TENM2: variants seen among roughly 807,000 people sequenced by gnomAD.
TENM2 encodes teneurin transmembrane protein 2, also known as teneurin-2.
Under a neutral mutation model 245.2 loss-of-function variants are expected in TENM2, and 52 were observed. The ratio of observed to expected loss-of-function variants is 0.21; its 90% CI spans 0.17 to 0.27. The LOEUF (loss-of-function observed/expected upper bound fraction) is 0.27. Ranked by LOEUF, TENM2 falls within the 10% of genes least tolerant of loss-of-function variation. The pLI is 1.00. For synonymous variants in TENM2, 1,363 were observed against 1,438.9 expected (o/e 0.95, Z 1.19); for missense variants, 3,046 against 3,666.8 (o/e 0.83, Z 4.37).
intron 2 of TENM2, among the ~76,000 whole-genome samples, chr5:167,840,867 A>T (rs972489626): frequency 2.0e-5 from 3 of 152,106 alleles, no homozygotes; most frequent in African/African-American, 7.2e-5. Context: ...CTGCCTAGGG[A>T]ACTGTGCAGC....
chr5:167,166,890 G>A, the TENM2 span, among the ~76,000 whole-genome samples: 1 of 152,088 alleles, frequency 6.6e-6, no homozygotes, highest in Non-Finnish European at 1.5e-5. Context: ...ACCTACCTTG[G>A]GTGGTCCTCA....
chr5:168,079,407 T>C (rs930223594), intron 7 of TENM2, among the ~76,000 whole-genome samples: 6 of 152,196 alleles, frequency 3.9e-5, no homozygotes, highest in African/African-American at 9.7e-5. Flanking sequence ...CTTTTCCTAA[T>C]TGAATGCCCT....
At chr5:167,106,335 C>T in the TENM2 span, among the ~76,000 whole-genome samples, 1 of 152,130 alleles carries the variant, frequency 6.6e-6, no homozygotes, top group Non-Finnish European at 1.5e-5. Context: ...ATGTGAGGGA[C>T]TGTCTAGGGG....
At chr5:168,153,678 G>A (rs897267170) in intron 12 of TENM2, among the ~76,000 whole-genome samples, 9 of 152,354 alleles carry the variant, frequency 5.9e-5, no homozygotes, top group South Asian at 4.1e-4. Context: ...TAATCCGAAA[G>A]CAGAGGCTTT....
intron 27 of TENM2, among the ~76,000 whole-genome samples, chr5:168,251,210 T>C (rs945013451): frequency 1.3e-4 from 20 of 152,304 alleles, no homozygotes; most frequent in Non-Finnish European, 2.5e-4. Flanking sequence ...TGAACAGACA[T>C]GTCCCGCTGC....
chr5:167,346,886 A>C (rs989983165), intron 1 of TENM2, among the ~76,000 whole-genome samples: 4 of 151,450 alleles, frequency 2.6e-5, no homozygotes, highest in Non-Finnish European at 2.9e-5. Context: ...CAATCCTTCC[A>C]CTTCAAGCCC....
intron 2 of TENM2, among the ~76,000 whole-genome samples, chr5:167,456,273 G>A (rs1278640615): frequency 1.3e-5 from 2 of 152,172 alleles, no homozygotes; most frequent in Non-Finnish European, 2.9e-5. Context: ...TGGGGAGGAA[G>A]AGGAGAACTT....
intron 1 of TENM2, among the ~76,000 whole-genome samples, chr5:167,359,319 C>A (rs1202529607): frequency 6.6e-6 from 1 of 152,164 alleles, no homozygotes; most frequent in African/African-American, 2.4e-5. Flanking sequence ...GTCCCCCTTG[C>A]TCTTCCTAGA....
At chr5:168,059,401 G>T (rs1789839258) in intron 6 of TENM2, among the ~76,000 whole-genome samples, 1 of 152,156 alleles carries the variant, frequency 6.6e-6, no homozygotes, top group Non-Finnish European at 1.5e-5. Context: ...ATGCCGGAAA[G>T]CCCAACAGAC....
intron 2 of TENM2, among the ~76,000 whole-genome samples, chr5:167,418,377 A>G (rs577300341): frequency 1.3e-5 from 2 of 152,228 alleles, no homozygotes; most frequent in Admixed American, 1.3e-4. Context: ...CCATTCTTCA[A>G]TACAATACTT....
At chr5:167,500,675 T>G (rs1769155177) in intron 2 of TENM2, among the ~76,000 whole-genome samples, 1 of 152,232 alleles carries the variant, frequency 6.6e-6, no homozygotes, top group Non-Finnish European at 1.5e-5. Flanking sequence ...TGTGATGGAA[T>G]GAGCTTGCTT....
the TENM2 span, among the ~76,000 whole-genome samples, chr5:167,242,742 G>A: frequency 6.6e-6 from 1 of 152,040 alleles, no homozygotes; most frequent in South Asian, 2.1e-4. Context: ...GTCTTCATTA[G>A]CTACGTTACT....
chr5:167,810,973 G>T (rs895038745), intron 2 of TENM2, among the ~76,000 whole-genome samples: 2 of 152,074 alleles, frequency 1.3e-5, no homozygotes, highest in African/African-American at 4.8e-5. Context: ...TATCACCCTG[G>T]TACATAATGC....
At chr5:167,141,056 G>C in the TENM2 span, among the ~76,000 whole-genome samples, 1 of 152,186 alleles carries the variant, frequency 6.6e-6, no homozygotes, top group Non-Finnish European at 1.5e-5. Context: ...AGTTTCTATG[G>C]AGTGCAGTTT....
chr5:167,620,748 G>A (rs2127769630), intron 2 of TENM2, among the ~76,000 whole-genome samples: 1 of 151,894 alleles, frequency 6.6e-6, no homozygotes. Flanking sequence ...GAAATGTTTT[G>A]ACTCATCTTT....
intron 2 of TENM2, among the ~76,000 whole-genome samples, chr5:167,488,142 T>C (rs1768197564): frequency 6.6e-6 from 1 of 152,162 alleles, no homozygotes; most frequent in African/African-American, 2.4e-5. Context: ...TCCTTCATCA[T>C]AAATTATTCT....
chr5:167,009,918 T>G, the TENM2 span, among the ~76,000 whole-genome samples: 6 of 152,338 alleles, frequency 3.9e-5, no homozygotes, highest in South Asian at 1.2e-3. Context: ...TCTACACTTC[T>G]TAAATGGGTA....
At chr5:168,242,750 C>G (rs983245720) in intron 25 of TENM2, among the ~76,000 whole-genome samples, 1 of 152,034 alleles carries the variant, frequency 6.6e-6, no homozygotes, top group African/African-American at 2.4e-5. Context: ...GTCAGGAGTT[C>G]GAGACCAGCC....
intron 2 of TENM2, among the ~76,000 whole-genome samples, chr5:167,444,341 C>G (rs558512457): frequency 2.7e-5 from 4 of 150,384 alleles, no homozygotes; most frequent in Non-Finnish European, 5.9e-5. Flanking sequence ...TCTGCCATGA[C>G]AAAAATTACA....
Sources: gnomAD v4.1 joint callset for allele counts (sites outside exome capture counted in the v4.1 genomes callset) on GRCh38, gnomAD v4.1.1 for gene constraint, MANE v1.5 for transcripts, NCBI Gene and HGNC (gene_info 2026-07-23, HGNC 2026-07-21) for gene names.